Variants in RSPRY1 observed in about 807,000 individuals in gnomAD.
RSPRY1 encodes ring finger and SPRY domain containing 1, also known as RING finger and SPRY domain-containing protein 1.
A neutral mutation model predicts 73.1 loss-of-function variants in RSPRY1; 23 were observed. That is an observed-to-expected ratio of 0.31 (90% CI 0.23 to 0.45). The LOEUF (loss-of-function observed/expected upper bound fraction) is 0.45. Among genes scored for constraint, RSPRY1 ranks in the 20% least tolerant of loss-of-function variants. RSPRY1 has a pLI of 1.00. For missense variants in RSPRY1, 448 were observed against 698.7 expected (o/e 0.64, Z 4.05); for synonymous variants, 226 against 251.4 (o/e 0.90, Z 0.95).
chr16:57,223,663 T>G (rs1392050298), intron 10 of RSPRY1, among the ~76,000 whole-genome samples: 1 of 152,048 alleles, frequency 6.6e-6, no homozygotes, highest in African/African-American at 2.4e-5. Context: ...TCCCAGCTAC[T>G]CGGGAGGCTG....
At chr16:57,234,970 G>T (rs913057985) in intron 13 of RSPRY1, among the ~76,000 whole-genome samples, 154 bp from the exon 14 acceptor site, 10 of 152,222 alleles carry the variant, frequency 6.6e-5, no homozygotes, top group African/African-American at 2.4e-4. Flanking sequence ...ATGATTGTAG[G>T]ATTGAAAGGA....
chr16:57,201,824 C>T (rs4238792), intron 1 of RSPRY1, among the ~76,000 whole-genome samples: 5,482 of 152,210 alleles, frequency 0.036, 288 homozygotes, highest in East Asian at 0.22. Context: ...TCAGGCGTGG[C>T]GGTGCGCGCC....
Position 57,239,634 on chromosome 16 carries a change from A to T in RSPRY1, c.*659A>T, listed in dbSNP as rs1337812335. The T allele has an allele frequency of 6.6e-6, 1 of 151,500 alleles. No homozygotes were observed. Among genetic ancestry groups the T allele is most frequent in the African/African-American group, 2.4e-5 (1 of 41,336 alleles). 9.4% of individuals were successfully genotyped at this position (151,500 alleles called of 1,614,324 possible). On this transcript the variant is annotated 3_prime_UTR_variant, in exon 15 of 15. Coordinates refer to ENST00000394420, the MANE Select transcript of RSPRY1 (RefSeq NM_133368.3). ...TTGGGTTTTTTTTTTTTACTGCAGA[A>T]AATTGGTGGTATTTTCACATTCATA...
chr16:57,194,964 T>G (rs1388723772), intron 1 of RSPRY1, among the ~76,000 whole-genome samples: 1 of 152,042 alleles, frequency 6.6e-6, no homozygotes, highest in East Asian at 1.9e-4. Context: ...ACCCTAAGTT[T>G]GATTATTTTT....
intron 1 of RSPRY1, among the ~76,000 whole-genome samples, chr16:57,188,511 G>GTTTT (rs1342362519): frequency 1.4e-5 from 2 of 148,116 alleles, no homozygotes; most frequent in Admixed American, 6.6e-5. Context: ...TGTGTTTTTG[G>GTTTT]TTTTTTTGTT....
At chr16:57,187,382 T>C (rs2074245034) in intron 1 of RSPRY1, among the ~76,000 whole-genome samples, 1 of 152,210 alleles carries the variant, frequency 6.6e-6, no homozygotes, top group African/African-American at 2.4e-5. Context: ...TGTATAGTTC[T>C]CTGAGAGAGG....
intron 11 of RSPRY1, among the ~76,000 whole-genome samples, chr16:57,229,808 C>T (rs1472811843): frequency 2.4e-5 from 3 of 123,112 alleles, no homozygotes; most frequent in Admixed American, 1.1e-4. Flanking sequence ...AGGGTTCAAG[C>T]GATTTTCCTG....
At chr16:57,193,232 C>T (rs1281174424) in intron 1 of RSPRY1, among the ~76,000 whole-genome samples, 3 of 152,170 alleles carry the variant, frequency 2.0e-5, no homozygotes, top group Non-Finnish European at 4.4e-5. Context: ...ATCAAGACAA[C>T]CTTTCTTTTT....
intron 11 of RSPRY1, among the ~76,000 whole-genome samples, chr16:57,227,752 G>T (rs182164199): frequency 7.2e-5 from 11 of 152,258 alleles, no homozygotes; most frequent in Non-Finnish European, 2.9e-5. Flanking sequence ...AATTAAAGCA[G>T]CCATGGCAAT....
intron 1 of RSPRY1, among the ~76,000 whole-genome samples, chr16:57,200,952 G>GC (rs1197729654): frequency 8.2e-6 from 1 of 122,468 alleles, no homozygotes; most frequent in Admixed American, 7.6e-5. Context: ...CTGGCCGGGG[G>GC]GGGGGGGGGC....
intron 2 of RSPRY1, chr16:57,205,336 C>G (rs533054933): frequency 1.1e-4 from 31 of 292,768 alleles, no homozygotes; most frequent in African/African-American, 6.0e-4. Context: ...TGAAGGCTCA[C>G]TGTTAATGGT....
chr16:57,209,059 C>A lies in RSPRY1; in HGVS notation c.404-16C>A. 6.6e-7 allele frequency: 1 copy of A among 1,526,190 alleles called. No homozygotes were observed. The highest frequency in any genetic ancestry group is 1.2e-5 in the South Asian group (1 of 86,820). The allele number at this position is 1,526,190 out of a possible 1,614,324, so 94.5% of individuals were successfully genotyped here. ...AATAGTGACTCCATCATATAATCTT[C>A]TTGATTTGCTCTTAGATGAAGGATG... On this transcript the variant is annotated splice_polypyrimidine_tract_variant and intron_variant, in intron 3 of 14. Coordinates refer to ENST00000394420, the MANE Select transcript of RSPRY1 (RefSeq NM_133368.3).
intron 8 of RSPRY1, chr16:57,220,444 G>T (rs2075016559): frequency 5.5e-6 from 1 of 181,430 alleles, no homozygotes; most frequent in Non-Finnish European, 1.2e-5. Context: ...TTCTTCTTCA[G>T]ATTGTTTGCT....
intron 10 of RSPRY1, among the ~76,000 whole-genome samples, chr16:57,223,934 G>C (rs1310146224): frequency 1.3e-5 from 2 of 152,194 alleles, no homozygotes; most frequent in African/African-American, 4.8e-5. Context: ...GAGAAATTAA[G>C]AAACTTCCCC....
chr16:57,233,509 C>T (rs537252970), intron 13 of RSPRY1, among the ~76,000 whole-genome samples: 31 of 152,258 alleles, frequency 2.0e-4, no homozygotes, highest in African/African-American at 7.5e-4. Context: ...GTAGCTGGGA[C>T]TACAGGCATG....
chr16:57,227,296 C>A, intron 10 of RSPRY1, 46 bp from the exon 11 acceptor site: 3 of 1,306,198 alleles, frequency 2.3e-6, no homozygotes, highest in South Asian at 2.4e-5. Flanking sequence ...GTTCCCAGGT[C>A]AGAGCAGGCA....
chr16:57,220,558 G>T, intron 8 of RSPRY1, 174 bp from the exon 9 acceptor site: 1 of 380,576 alleles, frequency 2.6e-6, no homozygotes, highest in Non-Finnish European at 4.8e-6. Flanking sequence ...GATTTTTTTA[G>T]GTTTTCCTAA....
intron 1 of RSPRY1, among the ~76,000 whole-genome samples, chr16:57,195,102 A>C (rs867842209): frequency 2.6e-5 from 4 of 152,376 alleles, no homozygotes; most frequent in South Asian, 4.1e-4. Flanking sequence ...AATAGTCTTT[A>C]GTTTCTTTTT....
At chr16:57,189,877 C>T (rs2074324089) in intron 1 of RSPRY1, among the ~76,000 whole-genome samples, 1 of 152,010 alleles carries the variant, frequency 6.6e-6, no homozygotes, top group Non-Finnish European at 1.5e-5. Flanking sequence ...AGGTGTGAGC[C>T]ACCATGCCTG....
Sources: gnomAD v4.1 joint callset for allele counts (sites outside exome capture counted in the v4.1 genomes callset) on GRCh38, gnomAD v4.1.1 for gene constraint, MANE v1.5 for transcripts, NCBI Gene and HGNC (gene_info 2026-07-23, HGNC 2026-07-21) for gene names.